DACH2: variants seen among roughly 807,000 people sequenced by gnomAD.
DACH2 encodes dachshund family transcription factor 2.
DACH2 carries 17 observed loss-of-function variants against 35.8 expected under a neutral mutation model. The observed-to-expected ratio is 0.48, with a 90% CI of 0.33 to 0.71. DACH2 has a LOEUF of 0.71. DACH2 is among the 30% of genes least tolerant of loss of function. The probability of loss-of-function intolerance (pLI) is 0.02; values close to 1 mark genes in which losing one functional copy is unlikely to be tolerated. For missense variants in DACH2, 469 were observed against 472.7 expected (o/e 0.99, Z 0.07); for synonymous variants, 195 against 177.3 (o/e 1.10, Z -0.79).
intron 4 of DACH2, among the ~76,000 whole-genome samples, chrX:86,680,959 T>C (rs2040874942): frequency 1.8e-5 from 2 of 111,087 alleles, no homozygotes; most frequent in African/African-American, 6.6e-5. Flanking sequence ...CCCTCGAACA[T>C]TTCTAACATC....
chrX:86,714,716 T>C lies in DACH2; in HGVS notation c.1100T>C (p.Ile367Thr). The change falls in exon 6 of 12, where the codon ATA becomes ACA. Residue 367 changes from isoleucine (I) to threonine (T), a missense_variant. By Grantham distance (89) the Ile-to-Thr change is moderately conservative. This residue lies in a region of DACH2 where 363 missense variants were observed against 334.4 expected (regional missense o/e 1.09). Coordinates refer to ENST00000373125, the MANE Select transcript of DACH2 (RefSeq NM_053281.3). Reference sequence around the variant, plus strand: ...CTCTCCAGAGCTGGTACCTCTGTTATAAAGGTAAGAATCGTGATTTAGAAA... The same window carrying C: ...CTCTCCAGAGCTGGTACCTCTGTTACAAAGGTAAGAATCGTGATTTAGAAA... ...SPLSRAGTSV[I>T]KERIPESPSP... 1 of 1,166,608 alleles carries C rather than the reference T, an allele frequency of 8.6e-7. No homozygotes were observed. The highest frequency in any genetic ancestry group is 2.0e-5 in the South Asian group (1 of 49,830).
At chrX:86,561,999 G>A (rs1021572917) in intron 3 of DACH2, among the ~76,000 whole-genome samples, 1 of 91,556 alleles carries the variant, frequency 1.1e-5, no homozygotes, top group African/African-American at 3.8e-5. Context: ...ATAAATAAAT[G>A]GAAAATGAAA....
chrX:86,621,434 A>G (rs1255222336), intron 3 of DACH2, among the ~76,000 whole-genome samples: 1 of 111,583 alleles, frequency 9.0e-6, no homozygotes, highest in African/African-American at 3.3e-5. Flanking sequence ...CTCTTCCCCT[A>G]TATCTCAGTC....
At chrX:86,680,882 G>A (rs758365483) in intron 4 of DACH2, among the ~76,000 whole-genome samples, 77 of 109,923 alleles carry the variant, frequency 7.0e-4, no homozygotes, top group Non-Finnish European at 1.2e-3. Flanking sequence ...TTGACCCCTT[G>A]GCCTTAAGCA....
chrX:86,827,527 C>T (rs892757641), intron 11 of DACH2, among the ~76,000 whole-genome samples: 3 of 111,214 alleles, frequency 2.7e-5, no homozygotes, highest in African/African-American at 9.8e-5. Context: ...CTTTTGCTCA[C>T]TTTTGTATAA....
intron 3 of DACH2, among the ~76,000 whole-genome samples, chrX:86,590,417 G>C (rs1011739614): frequency 3.6e-5 from 4 of 111,697 alleles, no homozygotes; most frequent in African/African-American, 1.3e-4. Flanking sequence ...GCTCAGAGGA[G>C]TGGGTTTGTT....
intron 1 of DACH2, among the ~76,000 whole-genome samples, chrX:86,313,446 C>A (rs1485772028): frequency 3.6e-5 from 4 of 111,665 alleles, no homozygotes; most frequent in African/African-American, 9.8e-5. Flanking sequence ...ACACTTTCTT[C>A]TTCATTTCTC....
chrX:86,236,501 G>C (rs998823796), intron 1 of DACH2, among the ~76,000 whole-genome samples: 4 of 111,560 alleles, frequency 3.6e-5, no homozygotes, highest in African/African-American at 1.3e-4. Flanking sequence ...ATTGTGCTAG[G>C]GTTATACAGT....
intron 1 of DACH2, among the ~76,000 whole-genome samples, chrX:86,204,838 G>C (rs1164599816): frequency 1.8e-5 from 2 of 111,860 alleles, no homozygotes; most frequent in Non-Finnish European, 3.8e-5. Context: ...TGATATTTGA[G>C]ACTTGAGCTA....
At chrX:86,293,780 T>G (rs1034856134) in intron 1 of DACH2, among the ~76,000 whole-genome samples, 1 of 111,912 alleles carries the variant, frequency 8.9e-6, no homozygotes, top group African/African-American at 3.3e-5. Context: ...GTAGAGTTTC[T>G]GCCGAGAGAT....
At chrX:86,461,115 A>T (rs1602545554) in intron 2 of DACH2, among the ~76,000 whole-genome samples, 1 of 111,518 alleles carries the variant, frequency 9.0e-6, no homozygotes, top group Middle Eastern at 4.7e-3. Context: ...TTTATGTTTT[A>T]AAAACCCATG....
intron 1 of DACH2, among the ~76,000 whole-genome samples, chrX:86,269,494 A>G (rs1602339783): frequency 8.9e-6 from 1 of 112,002 alleles, no homozygotes; most frequent in African/African-American, 3.2e-5. Flanking sequence ...TAAATTCTAC[A>G]CACCACATAA....
At chrX:86,223,680 A>G (rs1430246725) in intron 1 of DACH2, among the ~76,000 whole-genome samples, 4 of 112,229 alleles carry the variant, frequency 3.6e-5, no homozygotes, top group African/African-American at 1.3e-4. Flanking sequence ...CGAGCTTATC[A>G]TTAGCTCATA....
chrX:86,583,791 G>A, intron 3 of DACH2, among the ~76,000 whole-genome samples: 1 of 109,868 alleles, frequency 9.1e-6, no homozygotes, highest in South Asian at 3.8e-4. Flanking sequence ...GAGTGTGTGT[G>A]TGTGTATGTA....
chrX:86,595,455 T>C (rs2039699574), intron 3 of DACH2, among the ~76,000 whole-genome samples: 1 of 111,255 alleles, frequency 9.0e-6, no homozygotes, highest in Non-Finnish European at 1.9e-5. Context: ...GCATGATATA[T>C]AATTCTCTAC....
rs748492099 is a variant in DACH2 at position 86,443,560 on chromosome X, A to T, written c.527+66698A>T. On this transcript the variant is annotated intron_variant, in intron 2 of 11. Transcript: ENST00000373125. ...TGGTTAGGGATATTACTGTGTTGAA[A>T]AAGAAGTGATGAAAGTGGGGATCCT... Among the ~76,000 whole-genome samples, 5 of 109,830 alleles carry T rather than the reference A, an allele frequency of 4.6e-5. No homozygotes were observed. In the East Asian group the frequency reaches 1.4e-3, roughly 31 times the overall value.
intron 2 of DACH2, among the ~76,000 whole-genome samples, chrX:86,483,501 G>A (rs989500873): frequency 3.6e-5 from 4 of 111,145 alleles, no homozygotes; most frequent in African/African-American, 9.8e-5. Flanking sequence ...GGAAAATGTA[G>A]CATTGCTTCT....
intron 3 of DACH2, among the ~76,000 whole-genome samples, chrX:86,597,626 G>T (rs1330313678): frequency 9.0e-6 from 1 of 111,322 alleles, no homozygotes; most frequent in Non-Finnish European, 1.9e-5. Context: ...CTTGAGAGTA[G>T]GTTTCCAATG....
intron 1 of DACH2, among the ~76,000 whole-genome samples, chrX:86,362,340 G>T (rs949816763): frequency 5.4e-5 from 6 of 110,803 alleles, no homozygotes; most frequent in Non-Finnish European, 9.5e-5. Context: ...TTATTAAACT[G>T]CACACGCATG....
Sources: allele counts gnomAD v4.1 joint callset (sites outside exome capture counted in the v4.1 genomes callset), GRCh38; gene constraint gnomAD v4.1.1; regional missense constraint gnomAD v4.1.1; transcripts MANE v1.5; gene names NCBI Gene and HGNC (gene_info 2026-07-23, HGNC 2026-07-21).